ZNF469: variants seen among roughly 807,000 people sequenced by gnomAD.
The protein encoded by ZNF469 is zinc finger protein 469.
A neutral mutation model predicts 1.0 loss-of-function variants in ZNF469; 1 was observed. The ratio of observed to expected loss-of-function variants is 1.00; its 90% CI spans 0.35 to 4.73. The LOEUF (loss-of-function observed/expected upper bound fraction) is 4.73, where lower values mean the gene tolerates loss of function less well. Ranked by LOEUF, ZNF469 falls within the 30% of genes most tolerant of loss-of-function variation. ZNF469 has a pLI of 0.16. For missense variants in ZNF469, 6,100 were observed against 5,356.3 expected, an observed-to-expected ratio of 1.14 and a Z score of -4.33; for synonymous variants, 2,703 against 2,363.4, an observed-to-expected ratio of 1.14 and a Z score of -4.17.
At chr16:88,287,012 C>G in the ZNF469 span, among the ~76,000 whole-genome samples, 3 of 152,186 alleles carry the variant, frequency 2.0e-5, no homozygotes, top group East Asian at 5.8e-4. Context: ...TTTTCTTATT[C>G]TTTTGCTTTT....
chr16:88,235,632 C>T, the ZNF469 span, among the ~76,000 whole-genome samples: 1 of 152,244 alleles, frequency 6.6e-6, no homozygotes, highest in Non-Finnish European at 1.5e-5. Flanking sequence ...GAGTTAGCAT[C>T]TTGGAGGTCA....
chr16:88,340,339 A>G, the ZNF469 span, among the ~76,000 whole-genome samples: 2 of 152,230 alleles, frequency 1.3e-5, no homozygotes, highest in South Asian at 2.1e-4. Flanking sequence ...ATGAACAGGT[A>G]TAATGGACCA....
the ZNF469 span, among the ~76,000 whole-genome samples, chr16:88,317,125 G>T: frequency 6.6e-6 from 1 of 152,214 alleles, no homozygotes; most frequent in Non-Finnish European, 1.5e-5. Flanking sequence ...CCCCACCCCA[G>T]TTTGATGGAA....
At chr16:88,213,072 T>C in the ZNF469 span, among the ~76,000 whole-genome samples, 1 of 152,106 alleles carries the variant, frequency 6.6e-6, no homozygotes, top group African/African-American at 2.4e-5. Flanking sequence ...TTTTAGTCAC[T>C]TGAAATGTTT....
At chr16:88,233,207 A>G in the ZNF469 span, among the ~76,000 whole-genome samples, 1 of 152,148 alleles carries the variant, frequency 6.6e-6, no homozygotes, top group Non-Finnish European at 1.5e-5. Context: ...CGCGGCAAGC[A>G]TCTCCCCTCC....
At chr16:88,174,419 A>G in the ZNF469 span, among the ~76,000 whole-genome samples, 2 of 151,922 alleles carry the variant, frequency 1.3e-5, no homozygotes, top group Non-Finnish European at 2.9e-5. Context: ...GTACCCCTGT[A>G]TCAGATCAGT....
chr16:88,395,594 G>A (rs1344593566), intron 1 of ZNF469, among the ~76,000 whole-genome samples: 1 of 152,076 alleles, frequency 6.6e-6, no homozygotes, highest in East Asian at 1.9e-4. Flanking sequence ...GCCCAGGTTC[G>A]TTGGTGTCAG....
intron 1 of ZNF469, among the ~76,000 whole-genome samples, chr16:88,414,881 G>A (rs1375410636): frequency 2.0e-5 from 3 of 152,224 alleles, no homozygotes; most frequent in South Asian, 2.1e-4. Flanking sequence ...CAGTTAGGGC[G>A]GGGCAGAGGG....
At chr16:88,332,953 G>A in the ZNF469 span, among the ~76,000 whole-genome samples, 17 of 152,172 alleles carry the variant, frequency 1.1e-4, no homozygotes, top group Non-Finnish European at 2.1e-4. Context: ...CAGAGCCACC[G>A]AGCTGTGTCC....
chr16:88,134,517 T>C, the ZNF469 span, among the ~76,000 whole-genome samples: 2 of 152,254 alleles, frequency 1.3e-5, no homozygotes, highest in Non-Finnish European at 2.9e-5. Context: ...TCTCCACTTA[T>C]CCATCTTTGC....
chr16:88,103,843 C>T, the ZNF469 span, among the ~76,000 whole-genome samples: 2 of 144,382 alleles, frequency 1.4e-5, no homozygotes, highest in African/African-American at 2.6e-5. Flanking sequence ...AATAATCCTC[C>T]GTGGCACGGA....
the ZNF469 span, among the ~76,000 whole-genome samples, chr16:88,224,869 C>T: frequency 6.6e-6 from 1 of 152,212 alleles, no homozygotes; most frequent in Admixed American, 6.5e-5. Flanking sequence ...CCCAGCGGCT[C>T]AGGGTGTTGA....
the ZNF469 span, among the ~76,000 whole-genome samples, chr16:88,306,024 G>T: frequency 6.6e-6 from 1 of 152,202 alleles, no homozygotes; most frequent in Non-Finnish European, 1.5e-5. Context: ...TACACATGTG[G>T]GTGTGAATGT....
intron 1 of ZNF469, among the ~76,000 whole-genome samples, chr16:88,411,360 C>T (rs537700822): frequency 3.3e-5 from 5 of 151,952 alleles, no homozygotes; most frequent in Non-Finnish European, 7.4e-5. Context: ...GGCGGGTGGT[C>T]CAGGGGGAGT....
chr16:88,136,372 G>A, the ZNF469 span, among the ~76,000 whole-genome samples: 2 of 152,246 alleles, frequency 1.3e-5, no homozygotes, highest in South Asian at 4.1e-4. Context: ...GCAGAGACAT[G>A]TTCAAGGCAT....
At chr16:88,139,076 C>T in the ZNF469 span, among the ~76,000 whole-genome samples, 5 of 152,194 alleles carry the variant, frequency 3.3e-5, no homozygotes, top group Non-Finnish European at 5.9e-5. Flanking sequence ...AAAGAAAGAC[C>T]GGGAAAGCTT....
chr16:88,178,478 A>C, the ZNF469 span: 3 of 152,218 alleles, frequency 2.0e-5, no homozygotes, highest in Admixed American at 6.5e-5. Flanking sequence ...GGCCGGGCCC[A>C]TCCCGAGAGC....
At chr16:88,125,131 A>T in the ZNF469 span, among the ~76,000 whole-genome samples, 78 of 152,094 alleles carry the variant, frequency 5.1e-4, 1 homozygote, top group Non-Finnish European at 1.9e-4. Flanking sequence ...TGTTGAGAAG[A>T]ATGTTCTTTC....
the ZNF469 span, among the ~76,000 whole-genome samples, chr16:88,350,109 C>A: frequency 6.6e-6 from 1 of 152,298 alleles, no homozygotes; most frequent in East Asian, 1.9e-4. Flanking sequence ...CTCCCGCCCC[C>A]CTTGGGGCGG....
Sources: gnomAD v4.1 joint callset for allele counts (sites outside exome capture counted in the v4.1 genomes callset) on GRCh38, gnomAD v4.1.1 for gene constraint, MANE v1.5 for transcripts, NCBI Gene and HGNC (gene_info 2026-07-23, HGNC 2026-07-21) for gene names.